The following CDH18 variants were observed in gnomAD, a reference collection of about 807,000 sequenced individuals.
The protein encoded by CDH18 is cadherin-18.
CDH18 carries 31 observed loss-of-function variants against 67.9 expected under a neutral mutation model. That is an observed-to-expected ratio of 0.46 (90% CI 0.34 to 0.62). The LOEUF is 0.62. Ranked by LOEUF, CDH18 falls within the 20% of genes least tolerant of loss-of-function variation. The probability of loss-of-function intolerance (pLI) is 0.01; values close to 1 mark genes in which losing one functional copy is unlikely to be tolerated. For synonymous variants in CDH18, 362 were observed against 347.2 expected (o/e 1.04, Z -0.48); for missense variants, 890 against 975.5 (o/e 0.91, Z 1.17).
intron 3 of CDH18, among the ~76,000 whole-genome samples, chr5:19,831,609 C>A (rs191148633): frequency 6.6e-6 from 1 of 151,924 alleles, no homozygotes; most frequent in Non-Finnish European, 1.5e-5. Flanking sequence ...ATAATAGATG[C>A]TAGCAGGACT....
chr5:20,173,756 T>C (rs1265822527), intron 2 of CDH18, among the ~76,000 whole-genome samples: 2 of 152,314 alleles, frequency 1.3e-5, no homozygotes, highest in South Asian at 2.1e-4. Flanking sequence ...GCTGAGCATA[T>C]GTAATAAATT....
intron 1 of CDH18, among the ~76,000 whole-genome samples, chr5:20,545,041 G>T (rs1040903739): frequency 3.3e-5 from 5 of 152,174 alleles, no homozygotes; most frequent in Admixed American, 1.3e-4. Flanking sequence ...AGGGGCTACA[G>T]AACCCATGCA....
chr5:20,382,408 G>C (rs911594648), intron 1 of CDH18, among the ~76,000 whole-genome samples: 1 of 152,104 alleles, frequency 6.6e-6, no homozygotes, highest in African/African-American at 2.4e-5. Flanking sequence ...TTTAACTGCA[G>C]AAGAGTGGTA....
At chr5:20,429,215 T>C (rs1748553819) in intron 1 of CDH18, among the ~76,000 whole-genome samples, 1 of 152,196 alleles carries the variant, frequency 6.6e-6, no homozygotes, top group South Asian at 2.1e-4. Context: ...AAAAGTATGC[T>C]ACCACTTCAC....
intron 2 of CDH18, among the ~76,000 whole-genome samples, chr5:19,927,731 T>C (rs1022256907): frequency 6.6e-6 from 1 of 152,156 alleles, no homozygotes; most frequent in African/African-American, 2.4e-5. Context: ...AAAAAAGTTA[T>C]CAATCTAATA....
In CDH18 at chr5:19,729,621, A is replaced by G. The variant is rs557719868; in HGVS notation, c.524-8155T>C. On this transcript the variant is annotated intron_variant, in intron 4 of 12. Coordinates refer to ENST00000382275, the MANE Select transcript of CDH18 (RefSeq NM_004934.5). ...AGTGAAAGGCCGAGGCGGTAAGTCC[A>G]TTTTGTCAAATAAGAGTATGTTGCA... Among the ~76,000 whole-genome samples the G allele has an allele frequency of 2.6e-5, 4 of 152,298 alleles. No individual in the cohort carries two copies. The South Asian group carries it at 6.2e-4, about 24-fold the overall frequency.
chr5:20,415,969 T>C (rs1747272094), intron 1 of CDH18, among the ~76,000 whole-genome samples: 1 of 152,022 alleles, frequency 6.6e-6, no homozygotes, highest in African/African-American at 2.4e-5. Context: ...AGAATGGTGG[T>C]TGCCAGAAAC....
At chr5:20,087,562 A>G (rs908527692) in intron 2 of CDH18, among the ~76,000 whole-genome samples, 1 of 152,062 alleles carries the variant, frequency 6.6e-6, no homozygotes, top group Non-Finnish European at 1.5e-5. Flanking sequence ...AGCAAACACC[A>G]TCCTTATCAG....
At chr5:20,201,817 G>T (rs1371966099) in intron 2 of CDH18, among the ~76,000 whole-genome samples, 1 of 152,144 alleles carries the variant, frequency 6.6e-6, no homozygotes, top group Non-Finnish European at 1.5e-5. Context: ...GAGAAAAAGT[G>T]CAGAAAATAA....
At chr5:19,675,247 C>T (rs1488212764) in intron 5 of CDH18, among the ~76,000 whole-genome samples, 2 of 148,866 alleles carry the variant, frequency 1.3e-5, no homozygotes, top group African/African-American at 4.9e-5. Flanking sequence ...ATTAAAATTG[C>T]TAATGAAGTT....
At chr5:19,500,365 T>C (rs558469828) in intron 11 of CDH18, among the ~76,000 whole-genome samples, 1 of 152,274 alleles carries the variant, frequency 6.6e-6, no homozygotes, top group South Asian at 2.1e-4. Context: ...TATATTTATA[T>C]ATGGTATTAT....
At chr5:19,712,374 G>A (rs531873626) in intron 5 of CDH18, among the ~76,000 whole-genome samples, 1 of 152,126 alleles carries the variant, frequency 6.6e-6, no homozygotes, top group South Asian at 2.1e-4. Flanking sequence ...GAAAGCAACA[G>A]TAACATCTAT....
chr5:20,171,808 T>A (rs1736738254), intron 2 of CDH18, among the ~76,000 whole-genome samples: 1 of 151,940 alleles, frequency 6.6e-6, no homozygotes, highest in African/African-American at 2.4e-5. Flanking sequence ...ATGTCCAGAA[T>A]GTTATTGCTC....
intron 5 of CDH18, among the ~76,000 whole-genome samples, chr5:19,709,704 GA>G (rs1013634937): frequency 2.0e-5 from 3 of 149,782 alleles, no homozygotes; most frequent in Non-Finnish European, 4.5e-5. Context: ...GGAAAAAAAA[GA>G]AAAGAAAAGA....
intron 1 of CDH18, among the ~76,000 whole-genome samples, chr5:20,530,718 A>C (rs1703056): frequency 0.42 from 63,867 of 151,898 alleles, 14,678 homozygotes; most frequent in East Asian, 0.56. Flanking sequence ...CTTCTTTACA[A>C]CTTACACAAA....
chr5:19,694,059 T>C (rs1762237705), intron 5 of CDH18, among the ~76,000 whole-genome samples: 1 of 152,188 alleles, frequency 6.6e-6, no homozygotes, highest in South Asian at 2.1e-4. Flanking sequence ...TCCACAATTA[T>C]GTGTGTGCAC....
At chr5:19,555,498 C>T (rs1311457001) in intron 8 of CDH18, among the ~76,000 whole-genome samples, 4 of 152,116 alleles carry the variant, frequency 2.6e-5, no homozygotes, top group South Asian at 2.1e-4. Flanking sequence ...CTGGGGCTGC[C>T]GGCTCTTCCC....
intron 2 of CDH18, among the ~76,000 whole-genome samples, chr5:20,010,913 A>G (rs1737382303): frequency 6.6e-6 from 1 of 152,150 alleles, no homozygotes; most frequent in South Asian, 2.1e-4. Context: ...CATCCAACTG[A>G]CTACTTAAAT....
At chr5:19,921,249 A>G (rs1293046817) in intron 2 of CDH18, among the ~76,000 whole-genome samples, 2 of 151,760 alleles carry the variant, frequency 1.3e-5, no homozygotes, top group Admixed American at 1.3e-4. Flanking sequence ...ACAACAAAAC[A>G]GGCCGGGCAT....
Sources: gnomAD v4.1 joint callset for allele counts (sites outside exome capture counted in the v4.1 genomes callset) on GRCh38, gnomAD v4.1.1 for gene constraint, MANE v1.5 for transcripts, NCBI Gene and HGNC (gene_info 2026-07-23, HGNC 2026-07-21) for gene names.